Variants in MOG observed in about 807,000 individuals in gnomAD.
The protein encoded by MOG is myelin-oligodendrocyte glycoprotein.
In MOG, 20 loss-of-function variants were observed where a neutral mutation model predicts 35.9. The observed-to-expected ratio is 0.56, with a 90% CI of 0.39 to 0.81. The LOEUF (loss-of-function observed/expected upper bound fraction) is 0.81. Among genes scored for constraint, MOG ranks in the 30% least tolerant of loss-of-function variants. MOG has a pLI of 0.00. For synonymous variants in MOG, 92 were observed against 114.3 expected (o/e 0.80, Z 1.25); for missense variants, 251 against 301.0 (o/e 0.83, Z 1.23).
In MOG at chr6:29,659,505, C is replaced by A. The variant is rs1371382709; in HGVS notation, c.275C>A (p.Pro92His). The A allele has an allele frequency of 1.2e-6, 2 of 1,612,894 alleles. No individual in the cohort carries two copies. Among genetic ancestry groups the A allele is most frequent in the African/African-American group, 2.7e-5 (2 of 74,874 alleles). The change falls in exon 2 of 8, where the codon CCT becomes CAT. Residue 92 changes from proline (P) to histidine (H), a missense_variant. Transcript: ENST00000376917. Reference sequence around the variant, plus strand: ...AAGGACCAAGATGGAGACCAGGCACCTGAATATCGGGGCCGGACAGAGCTG... The same window carrying A: ...AAGGACCAAGATGGAGACCAGGCACATGAATATCGGGGCCGGACAGAGCTG... ...NGKDQDGDQA[P>H]EYRGRTELLK...
chr6:29,657,347 G>T lies in MOG; in HGVS notation c.88+50G>T, dbSNP rs182970633. The T allele has an allele frequency of 4.2e-4, 590 of 1,399,882 alleles. 5 individuals carry two copies. Among genetic ancestry groups the T allele is most frequent in the African/African-American group, 3.5e-3 (246 of 69,930 alleles). 86.7% of individuals were successfully genotyped at this position (1,399,882 alleles called of 1,614,324 possible). ...CTGGGGAGACCCTGAAAACAGAAAG[G>T]CTAGTTTCCTGGGGCTTAGCTCCTT... On this transcript the variant is annotated intron_variant, in intron 1 of 7. Transcript: ENST00000376917.
At position 29,671,614 on chromosome 6, in the gene MOG, C is replaced by A; in HGVS notation, c.*429C>A. ...TCTTCCAAGACTCCAGCCCTGATTG[C>A]GCAAAACTGAAAGGCATGTGAAGGG... On this transcript the variant is annotated 3_prime_UTR_variant, in exon 8 of 8. Coordinates refer to ENST00000376917, the MANE Select transcript of MOG (RefSeq NM_206809.4). 1 of 669,482 alleles carries A rather than the reference C, an allele frequency of 1.5e-6. No individual in the cohort carries two copies. The highest frequency in any genetic ancestry group is 1.7e-5 in the South Asian group (1 of 60,012). 41.5% of individuals were successfully genotyped at this position (669,482 alleles called of 1,614,324 possible). A position where few individuals can be genotyped will look rare whatever the true frequency, so the allele number is the denominator to read the frequency against.
intron 2 of MOG, among the ~76,000 whole-genome samples, chr6:29,663,636 C>A (rs920759507): frequency 6.6e-6 from 1 of 152,156 alleles, no homozygotes; most frequent in Non-Finnish European, 1.5e-5. Context: ...TATAGTTCAT[C>A]AGTGATACTC....
Position 29,671,886 on chromosome 6 carries a change from T to A in MOG, c.*701T>A, listed in dbSNP as rs1771530701. 1 of 208,756 alleles carries A rather than the reference T, an allele frequency of 4.8e-6. No individual in the cohort carries two copies. The highest frequency in any genetic ancestry group is 2.3e-5 in the African/African-American group (1 of 43,586). 12.9% of individuals were successfully genotyped at this position (208,756 alleles called of 1,614,324 possible). A position where few individuals can be genotyped will look rare whatever the true frequency, so the allele number is the denominator to read the frequency against. On this transcript the variant is annotated 3_prime_UTR_variant, in exon 8 of 8. Coordinates refer to ENST00000376917, the MANE Select transcript of MOG (RefSeq NM_206809.4). ...CACAGGTCTCAGAATCTTTCCTTCC[T>A]CTCATCCTTTTCTCCTATCTTCATA... is the stretch of plus-strand genomic sequence containing the variant.
At position 29,662,042 on chromosome 6, in the gene MOG, G is replaced by A; in HGVS notation, c.436+2376G>A. On this transcript the variant is annotated intron_variant, in intron 2 of 7. Transcript: ENST00000376917. The surrounding 1 kb of genome is among the most constrained non-coding windows in gnomAD (Gnocchi z 4.2). The stretch of plus-strand genomic sequence containing the variant: ...AAATTTAGGAATGAGATGAAGTAAT[G>A]GTATTATTGCAAGTCTCAGGTGTAA... 2 of 985,258 alleles carry A rather than the reference G, an allele frequency of 2.0e-6. No homozygotes were observed. The highest frequency in any genetic ancestry group is 2.4e-6 in the Non-Finnish European group (2 of 829,872). 61.0% of individuals were successfully genotyped at this position (985,258 alleles called of 1,614,324 possible).
intron 3 of MOG, 83 bp from the exon 4 acceptor site, chr6:29,667,560 G>C: frequency 7.1e-7 from 1 of 1,417,968 alleles, no homozygotes; most frequent in South Asian, 1.1e-5. Flanking sequence ...GCCTGCACAA[G>C]GGGCCCAGGC....
chr6:29,666,125 A>G (rs762352239), intron 2 of MOG, 27 bp from the exon 3 acceptor site: 4 of 1,442,838 alleles, frequency 2.8e-6, no homozygotes, highest in Non-Finnish European at 3.9e-6. Context: ...GCTCTGGACA[A>G]TGTCAAATGT....
In MOG at chr6:29,666,158, T is replaced by C. The variant is rs1294797703; in HGVS notation, c.443T>C (p.Phe148Ser). The change falls in exon 3 of 8, where the codon TTC becomes TCC. Residue 148 changes from phenylalanine to serine, a missense_variant. Phe to Ser is a radical substitution (Grantham distance 155). Transcript: ENST00000376917. ...AAMELKVEDP[F>S]YWVSPGVLVL... is the part of the protein sequence containing the mutation. ...TGTCAGTCCTGCCTTTCAGATCCTTTCTACTGGGTGAGCCCTGGAGTGCTG... is the reference window on the plus strand; with the variant it reads ...TGTCAGTCCTGCCTTTCAGATCCTTCCTACTGGGTGAGCCCTGGAGTGCTG... The C allele has an allele frequency of 6.2e-7, 1 of 1,610,696 alleles. No individual in the cohort carries two copies. The highest frequency in any genetic ancestry group is 8.5e-7 in the Non-Finnish European group (1 of 1,178,006).
chr6:29,659,552 G>A lies in MOG; in HGVS notation c.322G>A (p.Gly108Arg). 1.2e-6 allele frequency: 2 copies of A among 1,613,092 alleles called. No homozygotes were observed. Among genetic ancestry groups the A allele is most frequent in the Non-Finnish European group, 8.5e-7 (1 of 1,180,024 alleles). Residue 108 changes from glycine (G) to arginine (R), a missense_variant, in exon 2 of 8, where the codon GGA becomes AGA. By Grantham distance (125) the Gly-to-Arg change is moderately radical (BLOSUM62 -2). Coordinates refer to ENST00000376917, the MANE Select transcript of MOG (RefSeq NM_206809.4). ...TELLKDAIGE[G>R]KVTLRIRNVR... Reference sequence around the variant, plus strand: ...GCTGCTGAAAGATGCTATTGGTGAGGGAAAGGTGACTCTCAGGATCCGGAA... The same window carrying A: ...GCTGCTGAAAGATGCTATTGGTGAGAGAAAGGTGACTCTCAGGATCCGGAA...
chr6:29,659,959 C>T, intron 2 of MOG: 2 of 512,216 alleles, frequency 3.9e-6, no homozygotes, highest in South Asian at 2.1e-5. Context: ...TATTTTAGCA[C>T]TAGGCCAGAT....
At chr6:29,658,350 G>T (rs1391838823) in intron 1 of MOG, among the ~76,000 whole-genome samples, 1 of 152,090 alleles carries the variant, frequency 6.6e-6, no homozygotes, top group Non-Finnish European at 1.5e-5. Context: ...CTCAGAATCT[G>T]ACTTGAGAAA....
chr6:29,671,071 G>C, intron 7 of MOG, 101 bp from the exon 8 acceptor site: 1 of 1,612,528 alleles, frequency 6.2e-7, no homozygotes, highest in Non-Finnish European at 8.5e-7. Context: ...GGCAGGAATG[G>C]AGACAAGATG....
In MOG at chr6:29,671,401, T is replaced by C. The variant is rs1771427475; in HGVS notation, c.*216T>C. 1.2e-6 allele frequency: 2 copies of C among 1,612,646 alleles called. No individual in the cohort carries two copies. Among genetic ancestry groups the C allele is most frequent in the South Asian group, 1.1e-5 (1 of 91,066 alleles). ...TTCATTTTCCCATTTTTATTACCCT[T>C]CTTTCCATTTCTCTCTCCAGTCTTC... On this transcript the variant is annotated 3_prime_UTR_variant, in exon 8 of 8. Transcript: ENST00000376917.
intron 2 of MOG, chr6:29,661,445 A>C (rs899775225): frequency 1.0e-6 from 1 of 985,272 alleles, no homozygotes; most frequent in African/African-American, 1.7e-5. Context: ...TCCAGTTTGC[A>C]GATTTTTCTC....
chr6:29,659,572 C>A lies in MOG; in HGVS notation c.342C>A (p.Ile114=). 1 of 1,613,000 alleles carries A rather than the reference C, an allele frequency of 6.2e-7. No individual in the cohort carries two copies. Among genetic ancestry groups the A allele is most frequent in the Non-Finnish European group, 8.5e-7 (1 of 1,180,010 alleles). ...AIGEGKVTLR[I]RNVRFSDEGG... ...GTGAGGGAAAGGTGACTCTCAGGAT[C>A]CGGAATGTAAGGTTCTCAGATGAAG... is the stretch of plus-strand genomic sequence containing the variant. Residue 114 remains isoleucine (I), a synonymous_variant, in exon 2 of 8, where the codon ATC becomes ATA. Transcript: ENST00000376917.
rs778055044 is a variant in MOG at position 29,659,306 on chromosome 6, G to A, written c.89-13G>A. 6.2e-7 allele frequency: 1 copy of A among 1,612,536 alleles called. No individual in the cohort carries two copies. Among genetic ancestry groups the A allele is most frequent in the South Asian group, 1.1e-5 (1 of 91,070 alleles). On this transcript the variant is annotated splice_polypyrimidine_tract_variant and intron_variant, in intron 1 of 7. Transcript: ENST00000376917. ...TCTGACCTTAAATCTCTTCCTTTTG[G>A]TGTCTTGGACAGGGCAGTTCAGAGT...
chr6:29,667,850 A>G, intron 4 of MOG, 54 bp from the exon 5 acceptor site: 1 of 1,605,092 alleles, frequency 6.2e-7, no homozygotes, highest in Non-Finnish European at 8.5e-7. Flanking sequence ...ACTCAGGATA[A>G]AAGATCCTTT....
Position 29,666,249 on chromosome 6 carries a change from G to A in MOG, c.534G>A (p.Leu178=), listed in dbSNP as rs572770009. 7.5e-6 allele frequency: 12 copies of A among 1,605,746 alleles called. No individual in the cohort carries two copies. The African/African-American group carries it at 1.6e-4, about 21-fold the overall frequency. The change falls in exon 3 of 8, where the codon CTG becomes CTA. Residue 178 remains leucine (L), a synonymous_variant. Transcript: ENST00000376917. ...QITVGLIFLC[L]QYRLRGKLRA... ...CTGTTGGCCTCATCTTCCTCTGCCT[G>A]CAGTACAGACTGAGAGGTACAGGGC...
At position 29,671,302 on chromosome 6, in the gene MOG, C is replaced by A; in HGVS notation, c.*117C>A. On this transcript the variant is annotated 3_prime_UTR_variant, in exon 8 of 8. Transcript: ENST00000376917. Reference sequence around the variant, plus strand: ...TGGCATCTTTGCTATGGGGACATTCCAATTTGCACTTTCAGGAACACTCTG... The same window carrying A: ...TGGCATCTTTGCTATGGGGACATTCAAATTTGCACTTTCAGGAACACTCTG... The A allele has an allele frequency of 6.2e-6, 10 of 1,611,754 alleles. No individual in the cohort carries two copies. The South Asian group carries it at 1.1e-4, about 18-fold the overall frequency.
Sources: allele counts gnomAD v4.1 joint callset (sites outside exome capture counted in the v4.1 genomes callset), GRCh38; gene constraint gnomAD v4.1.1; non-coding constraint Gnocchi (gnomAD v3.1); transcripts MANE v1.5; gene names NCBI Gene and HGNC (gene_info 2026-07-23, HGNC 2026-07-21).